Variants in SNAP91 observed in about 807,000 individuals in gnomAD.
The protein encoded by SNAP91 is clathrin coat assembly protein AP180.
SNAP91 carries 27 observed loss-of-function variants against 100.3 expected under a neutral mutation model. That is an observed-to-expected ratio of 0.27 (90% CI 0.20 to 0.37). The LOEUF is 0.37. SNAP91 is among the 10% of genes least tolerant of loss of function. SNAP91 has a pLI of 1.00. For synonymous variants in SNAP91, 404 were observed against 398.6 expected (o/e 1.01, Z -0.16); for missense variants, 986 against 1,123.7 (o/e 0.88, Z 1.75).
intron 29 of SNAP91, among the ~76,000 whole-genome samples, chr6:83,555,232 A>AC (rs1286924761): frequency 6.6e-6 from 1 of 152,012 alleles, no homozygotes; most frequent in African/African-American, 2.4e-5. Flanking sequence ...AGAAAAAAAA[A>AC]ACAAATCAAG....
At chr6:83,628,709 G>C (rs902429066) in intron 8 of SNAP91, among the ~76,000 whole-genome samples, 1 of 151,628 alleles carries the variant, frequency 6.6e-6, no homozygotes, top group Non-Finnish European at 1.5e-5. Context: ...CCCACTTTTT[G>C]ATGGGATTTT....
chr6:83,703,952 T>A (rs546270941), intron 2 of SNAP91, among the ~76,000 whole-genome samples: 2 of 152,226 alleles, frequency 1.3e-5, no homozygotes, highest in African/African-American at 2.4e-5. Context: ...ATGAATCACA[T>A]GGCAGGGCTG....
intron 9 of SNAP91, among the ~76,000 whole-genome samples, chr6:83,618,140 A>G (rs1361932549): frequency 6.6e-6 from 1 of 151,882 alleles, no homozygotes; most frequent in Non-Finnish European, 1.5e-5. Context: ...TTTATTTAAT[A>G]TTCATTTTTC....
rs1240852780 is a variant in SNAP91, at chr6:83,594,395, GTGC to G, written c.1408_1410del (p.Ala470del). The G allele has an allele frequency of 1.9e-6, 3 of 1,553,356 alleles. No homozygotes were observed. The highest frequency in any genetic ancestry group is 2.6e-6 in the Non-Finnish European group (3 of 1,147,678). On this transcript the variant is annotated inframe_deletion, in exon 17 of 30. Transcript: ENST00000369694. ...CCACCATTTCCTGAACATGCATCAA[GTGC>G]TGCTGCTACAGGGGTTGGGGTAGCT...
At chr6:83,620,212 A>T (rs2096656497) in intron 9 of SNAP91, among the ~76,000 whole-genome samples, 1 of 152,200 alleles carries the variant, frequency 6.6e-6, no homozygotes, top group African/African-American at 2.4e-5. Flanking sequence ...AGGAATTCTA[A>T]TCATTTTTTA....
chr6:83,647,620 T>C (rs1321122057), intron 7 of SNAP91, among the ~76,000 whole-genome samples: 1 of 152,168 alleles, frequency 6.6e-6, no homozygotes, highest in African/African-American at 2.4e-5. Flanking sequence ...ACTATGTTCA[T>C]GAGAGATATT....
At position 83,593,607 on chromosome 6, in the gene SNAP91, G is replaced by C; in HGVS notation, c.1567C>G (p.Pro523Ala). The change falls in exon 18 of 30, where the codon CCT (proline) becomes GCT (alanine). Residue 523 changes from proline to alanine, a missense_variant. Physicochemically the swap from Pro to Ala is conservative, Grantham distance 27. Transcript: ENST00000369694. The stretch of plus-strand genomic sequence containing the variant: ...GCTGCAACGGCAGGAGCAGGAGAAG[G>C]AGCAGTTGCGGGAACTGGAGGGGCT... ...STAPPVPATA[P>A]SPAPAVAAAA... 1.9e-6 allele frequency: 3 copies of C among 1,593,922 alleles called. No homozygotes were observed. The highest frequency in any genetic ancestry group is 2.6e-6 in the Non-Finnish European group (3 of 1,170,218).
chr6:83,676,347 T>A (rs1470778202), intron 2 of SNAP91, among the ~76,000 whole-genome samples: 2 of 151,882 alleles, frequency 1.3e-5, no homozygotes, highest in Admixed American at 1.3e-4. Context: ...AATAAAAAAG[T>A]AAGAAGAGAA....
At chr6:83,684,931 G>A (rs2099040642) in intron 2 of SNAP91, among the ~76,000 whole-genome samples, 1 of 152,180 alleles carries the variant, frequency 6.6e-6, no homozygotes, top group South Asian at 2.1e-4. Context: ...ACCAAGATCT[G>A]TGCCTCTTTC....
At chr6:83,593,418 C>G in intron 18 of SNAP91, 60 bp downstream of exon 18, 1 of 1,537,506 alleles carries the variant, frequency 6.5e-7, no homozygotes. Context: ...CAGTACATCT[C>G]AAGGATCAGA....
chr6:83,659,597 A>T (rs995856620), intron 5 of SNAP91, among the ~76,000 whole-genome samples: 5 of 151,560 alleles, frequency 3.3e-5, no homozygotes, highest in Admixed American at 6.6e-5. Flanking sequence ...GTTAATTTTT[A>T]AAAAATTTGT....
chr6:83,580,460 G>A lies in SNAP91; in HGVS notation c.2289C>T (p.Ser763=). ...LGSDLDSSLA[S]LVGNLGISGT... is the part of the protein sequence containing the mutation. ...AACTAGATTACTCACTGCCTACTAA[G>A]CTGGCAAGAGATGAATCAAGATCAC... Residue 763 remains serine, a synonymous_variant, in exon 24 of 30, where the codon AGC becomes AGT. Coordinates refer to ENST00000369694, the MANE Select transcript of SNAP91 (RefSeq NM_001242792.2). The A allele has an allele frequency of 6.2e-7, 1 of 1,607,940 alleles. No individual in the cohort carries two copies. Among genetic ancestry groups the A allele is most frequent in the Non-Finnish European group, 8.5e-7 (1 of 1,177,794 alleles).
chr6:83,694,494 A>G (rs557923319), intron 2 of SNAP91, among the ~76,000 whole-genome samples: 5 of 152,284 alleles, frequency 3.3e-5, no homozygotes, highest in Admixed American at 1.3e-4. Flanking sequence ...GTTGAGACTG[A>G]CAATCATAAT....
At chr6:83,616,804 G>C (rs1453093804) in intron 10 of SNAP91, among the ~76,000 whole-genome samples, 165 bp downstream of exon 10, 1 of 152,100 alleles carries the variant, frequency 6.6e-6, no homozygotes, top group Non-Finnish European at 1.5e-5. Context: ...TATACCCACT[G>C]TCATAAGTTA....
chr6:83,697,604 T>TCAA (rs2099236114), intron 2 of SNAP91, among the ~76,000 whole-genome samples: 1 of 152,170 alleles, frequency 6.6e-6, no homozygotes, highest in South Asian at 2.1e-4. Context: ...GTCATGCAAG[T>TCAA]GTTGAGAGGA....
rs1331199605 is a variant in SNAP91 at position 83,592,458 on chromosome 6, C to G, written c.1927G>C (p.Gly643Arg). The G allele has an allele frequency of 6.2e-7, 1 of 1,608,260 alleles. No individual in the cohort carries two copies. Among genetic ancestry groups the G allele is most frequent in the East Asian group, 2.2e-5 (1 of 44,756 alleles). Residue 643 changes from glycine to arginine, a missense_variant, in exon 21 of 30, where the codon GGG (glycine) becomes CGG (arginine). Gly to Arg is a moderately radical substitution (Grantham distance 125, BLOSUM62 -2). Around this residue, in one of 4 missense-constraint regions of SNAP91, gnomAD observed 575 missense variants for 579.9 expected, o/e 0.99. Coordinates refer to ENST00000369694, the MANE Select transcript of SNAP91 (RefSeq NM_001242792.2). ...TTGATGGAGGAGAAATACGCACCCCCAAAAAGGTCTATGACACCTGAAGAA... is the reference window on the plus strand; with the variant it reads ...TTGATGGAGGAGAAATACGCACCCCGAAAAAGGTCTATGACACCTGAAGAA... Reference protein sequence around the residue: ...VDSSGVIDLFGDAFGSSASEP... With the variant: ...VDSSGVIDLFRDAFGSSASEP...
intron 2 of SNAP91, among the ~76,000 whole-genome samples, chr6:83,681,141 T>G (rs1183007409): frequency 6.6e-6 from 1 of 152,180 alleles, no homozygotes; most frequent in African/African-American, 2.4e-5. Flanking sequence ...TAGGTTGAAT[T>G]ATATGAAATT....
intron 5 of SNAP91, among the ~76,000 whole-genome samples, chr6:83,660,181 T>C (rs996936909): frequency 2.6e-5 from 4 of 152,224 alleles, no homozygotes; most frequent in African/African-American, 9.6e-5. Flanking sequence ...AGGAAGGCCA[T>C]GGACCTACTG....
At chr6:83,571,507 T>C (rs1584537924) in intron 26 of SNAP91, among the ~76,000 whole-genome samples, 1 of 152,198 alleles carries the variant, frequency 6.6e-6, no homozygotes, top group African/African-American at 2.4e-5. Flanking sequence ...GATTTTGGAC[T>C]TGCATGGGGC....
Sources: allele counts gnomAD v4.1 joint callset (sites outside exome capture counted in the v4.1 genomes callset), GRCh38; gene constraint gnomAD v4.1.1; regional missense constraint gnomAD v4.1.1; transcripts MANE v1.5; gene names NCBI Gene and HGNC (gene_info 2026-07-23, HGNC 2026-07-21).